Variants in RBM20 observed in about 807,000 individuals in gnomAD.
RBM20 encodes the protein RNA-binding protein 20.
In RBM20, 51 loss-of-function variants were observed where a neutral mutation model predicts 110.1. The observed-to-expected ratio is 0.46, with a 90% CI of 0.37 to 0.59. The LOEUF (loss-of-function observed/expected upper bound fraction) is 0.59, where lower values mean the gene tolerates loss of function less well. RBM20 is among the 20% of genes least tolerant of loss of function. The probability of loss-of-function intolerance (pLI) is 0.00; values close to 1 mark genes in which losing one functional copy is unlikely to be tolerated. For synonymous variants in RBM20, 589 were observed against 618.2 expected (o/e 0.95, Z 0.70); for missense variants, 1,512 against 1,574.9 (o/e 0.96, Z 0.68).
In RBM20 at chr10:110,661,729, G is replaced by T. The variant is rs193147363; in HGVS notation, c.191+17084G>T. ...GATTTGAGAGATGTTGAAAGTAGGG[G>T]CCAGGCACGGTGGCTCACACCTGTA... On this transcript the variant is annotated intron_variant, in intron 1 of 13. Transcript: ENST00000369519. 2.6e-5 allele frequency among the ~76,000 whole-genome samples: 4 copies of T among 152,264 alleles called. No homozygotes were observed. The East Asian group carries it at 7.7e-4, about 29-fold the overall frequency.
intron 1 of RBM20, among the ~76,000 whole-genome samples, chr10:110,775,608 C>G (rs1330599898): frequency 1.3e-5 from 2 of 152,134 alleles, no homozygotes; most frequent in Non-Finnish European, 2.9e-5. Flanking sequence ...CAGCAGTTGC[C>G]CACTCCTTAT....
intron 13 of RBM20, among the ~76,000 whole-genome samples, chr10:110,831,675 A>AAC (rs1564668180): frequency 1.4e-5 from 2 of 139,364 alleles, no homozygotes; most frequent in East Asian, 4.3e-4. Flanking sequence ...ATAAAAAAAA[A>AAC]AAAAAAAAAA....
At chr10:110,701,014 CA>C (rs201918161) in intron 1 of RBM20, among the ~76,000 whole-genome samples, 2 of 151,924 alleles carry the variant, frequency 1.3e-5, no homozygotes, top group Non-Finnish European at 2.9e-5. Flanking sequence ...GACTCCGTCT[CA>C]AAAAAACAAA....
chr10:110,654,386 A>G (rs1861991818), intron 1 of RBM20, among the ~76,000 whole-genome samples: 1 of 152,202 alleles, frequency 6.6e-6, no homozygotes, highest in Non-Finnish European at 1.5e-5. Context: ...TAACTCTATA[A>G]GAGACATTCC....
At chr10:110,721,219 A>G (rs1262889656) in intron 1 of RBM20, among the ~76,000 whole-genome samples, 7 of 152,192 alleles carry the variant, frequency 4.6e-5, no homozygotes, top group African/African-American at 1.7e-4. Context: ...CTCTACTGGA[A>G]TGTCATTTCC....
intron 6 of RBM20, among the ~76,000 whole-genome samples, chr10:110,799,360 GC>G (rs1401199129): frequency 6.6e-6 from 1 of 152,164 alleles, no homozygotes; most frequent in Non-Finnish European, 1.5e-5. Context: ...TCAGGAAAGG[GC>G]CATCTTATAA....
At chr10:110,680,012 G>T (rs1218694965) in intron 1 of RBM20, among the ~76,000 whole-genome samples, 1 of 152,222 alleles carries the variant, frequency 6.6e-6, no homozygotes, top group South Asian at 2.1e-4. Context: ...TGAGATAAGG[G>T]CACAGTAGGA....
intron 1 of RBM20, among the ~76,000 whole-genome samples, chr10:110,665,256 G>A (rs1862160323): frequency 6.6e-6 from 1 of 152,176 alleles, no homozygotes; most frequent in Non-Finnish European, 1.5e-5. Context: ...GGTGAATAAT[G>A]AGTTTAGACA....
chr10:110,827,038 A>G (rs897924243), intron 12 of RBM20, among the ~76,000 whole-genome samples: 1 of 152,280 alleles, frequency 6.6e-6, no homozygotes, highest in Middle Eastern at 3.4e-3. Context: ...GTCTTCAGTT[A>G]GCTTTGAGAT....
At chr10:110,817,572 G>A (rs1260448904) in intron 9 of RBM20, among the ~76,000 whole-genome samples, 1 of 152,150 alleles carries the variant, frequency 6.6e-6, no homozygotes, top group African/African-American at 2.4e-5. Context: ...ATGACCCCTG[G>A]GCTCGTGGAG....
intron 1 of RBM20, among the ~76,000 whole-genome samples, chr10:110,749,143 A>G (rs941330367): frequency 3.3e-5 from 5 of 152,278 alleles, no homozygotes; most frequent in African/African-American, 1.2e-4. Context: ...GTGATTCAGC[A>G]TTGTGCTGAA....
intron 1 of RBM20, among the ~76,000 whole-genome samples, chr10:110,680,592 G>C (rs1185804120): frequency 6.6e-6 from 1 of 152,200 alleles, no homozygotes; most frequent in Non-Finnish European, 1.5e-5. Flanking sequence ...TGTTTGGCTA[G>C]CTCGGGGACT....
intron 1 of RBM20, among the ~76,000 whole-genome samples, chr10:110,753,705 A>G (rs749091955): frequency 1.3e-5 from 2 of 152,346 alleles, no homozygotes; most frequent in South Asian, 4.1e-4. Flanking sequence ...TGATTCTGGA[A>G]GGCAGAAGCC....
intron 1 of RBM20, among the ~76,000 whole-genome samples, chr10:110,747,509 C>T (rs1472476668): frequency 6.6e-6 from 1 of 152,172 alleles, no homozygotes; most frequent in Non-Finnish European, 1.5e-5. Flanking sequence ...CAAGTTTCTC[C>T]CTTATAGTCA....
intron 1 of RBM20, among the ~76,000 whole-genome samples, chr10:110,769,284 T>A (rs1042605397): frequency 6.6e-6 from 1 of 152,202 alleles, no homozygotes; most frequent in African/African-American, 2.4e-5. Flanking sequence ...TTGTTTGTTT[T>A]AGCCTAAGCC....
chr10:110,668,818 G>C (rs1315945250), intron 1 of RBM20, among the ~76,000 whole-genome samples: 3 of 151,896 alleles, frequency 2.0e-5, no homozygotes, highest in Non-Finnish European at 2.9e-5. Context: ...CTTGAAGGCA[G>C]AGACTGACGA....
At chr10:110,686,751 G>C (rs1862510955) in intron 1 of RBM20, among the ~76,000 whole-genome samples, 1 of 152,108 alleles carries the variant, frequency 6.6e-6, no homozygotes, top group Admixed American at 6.5e-5. Flanking sequence ...TACAGTAAAA[G>C]AAATAGGCCG....
chr10:110,713,745 C>T (rs1862973466), intron 1 of RBM20, among the ~76,000 whole-genome samples: 1 of 152,148 alleles, frequency 6.6e-6, no homozygotes, highest in African/African-American at 2.4e-5. Context: ...GCACATCTGA[C>T]CTCAATTTAT....
chr10:110,745,370 G>T (rs1308940477), intron 1 of RBM20, among the ~76,000 whole-genome samples: 6 of 152,118 alleles, frequency 3.9e-5, no homozygotes, highest in Admixed American at 2.0e-4. Flanking sequence ...AGACTGCAGG[G>T]TGGTCGGAGA....
Sources: gnomAD v4.1 joint callset for allele counts (sites outside exome capture counted in the v4.1 genomes callset) on GRCh38, gnomAD v4.1.1 for gene constraint, MANE v1.5 for transcripts, NCBI Gene and HGNC (gene_info 2026-07-23, HGNC 2026-07-21) for gene names.